The following NFASC variants were observed in gnomAD, a reference collection of about 807,000 sequenced individuals.
The protein encoded by NFASC is neurofascin homolog.
In NFASC, 43 loss-of-function variants were observed where a neutral mutation model predicts 147.5. The ratio of observed to expected loss-of-function variants is 0.29; its 90% CI spans 0.23 to 0.38. The LOEUF (loss-of-function observed/expected upper bound fraction) is 0.38. NFASC is among the 10% of genes least tolerant of loss of function. NFASC has a pLI of 1.00. For missense variants in NFASC, 1,320 were observed against 1,689.0 expected (o/e 0.78, Z 3.83); for synonymous variants, 622 against 665.5 (o/e 0.93, Z 1.01).
chr1:204,839,954 G>A (rs1371131135), intron 1 of NFASC, among the ~76,000 whole-genome samples: 1 of 152,174 alleles, frequency 6.6e-6, no homozygotes, highest in East Asian at 1.9e-4. Context: ...GTCTTGGGGT[G>A]TGCCCTGCCT....
intron 27 of NFASC, among the ~76,000 whole-genome samples, chr1:205,006,953 A>G (rs1318501009): frequency 1.5e-5 from 2 of 130,674 alleles, no homozygotes; most frequent in Admixed American, 1.5e-4. Context: ...TGCTGATGAG[A>G]GTTAAGGAGG....
At chr1:204,897,215 A>C (rs1045548593) in intron 1 of NFASC, among the ~76,000 whole-genome samples, 1 of 152,150 alleles carries the variant, frequency 6.6e-6, no homozygotes, top group African/African-American at 2.4e-5. Flanking sequence ...CTTTCTGAGG[A>C]AGTGACTTTT....
intron 3 of NFASC, chr1:204,948,716 A>G (rs2093940076): frequency 5.8e-6 from 3 of 518,906 alleles, no homozygotes; most frequent in Admixed American, 3.9e-5. Flanking sequence ...TCCCTGGACA[A>G]TGTCTAGGGC....
chr1:204,834,859 C>T (rs1005975594), intron 1 of NFASC, among the ~76,000 whole-genome samples: 3 of 152,094 alleles, frequency 2.0e-5, no homozygotes, highest in Non-Finnish European at 2.9e-5. Context: ...TAGTGGTCCT[C>T]CAAGTGGGTT....
chr1:204,830,006 GGTGTGTGTGTGTGTGTGTGT>G (rs58294218), intron 1 of NFASC, among the ~76,000 whole-genome samples: 2 of 144,010 alleles, frequency 1.4e-5, no homozygotes, highest in Non-Finnish European at 3.0e-5. Flanking sequence ...TTTGGCATGG[GGTGTGTGTGTGTGTGTGTGT>G]GTGTGTGTGT....
chr1:204,879,708 A>C (rs2079757547), intron 1 of NFASC, among the ~76,000 whole-genome samples: 1 of 152,226 alleles, frequency 6.6e-6, no homozygotes, highest in Non-Finnish European at 1.5e-5. Flanking sequence ...GGAAGGAGTG[A>C]AGACTGGAAC....
At position 204,950,492 on chromosome 1, in the gene NFASC, C is replaced by A. The variant is rs954688168; in HGVS notation, c.92-65C>A. 1.1e-5 allele frequency: 17 copies of A among 1,484,754 alleles called. No individual in the cohort carries two copies. The South Asian group carries it at 2.0e-4, about 18-fold the overall frequency. The allele number at this position is 1,484,754 out of a possible 1,614,324, so 92.0% of individuals were successfully genotyped here. Reference sequence around the variant, plus strand: ...GTGCTGGGGCGTGAGGATGCCTGGGCGGTTGTGTGCATAACGATGTTCTTC... The same window carrying A: ...GTGCTGGGGCGTGAGGATGCCTGGGAGGTTGTGTGCATAACGATGTTCTTC... On this transcript the variant is annotated intron_variant, in intron 3 of 29. Coordinates refer to ENST00000339876, the MANE Select transcript of NFASC (RefSeq NM_001005388.3).
chr1:204,857,474 C>T (rs1188322740), intron 1 of NFASC, among the ~76,000 whole-genome samples: 1 of 142,730 alleles, frequency 7.0e-6, no homozygotes, highest in African/African-American at 2.8e-5. Context: ...CCCCTGCCTG[C>T]CTAGCAACAG....
At chr1:204,993,236 G>A (rs1019041282) in intron 24 of NFASC, among the ~76,000 whole-genome samples, 1 of 152,158 alleles carries the variant, frequency 6.6e-6, no homozygotes, top group African/African-American at 2.4e-5. Context: ...TCATCCACCT[G>A]TATCTGTAGT....
rs140316803 is a variant in NFASC, at chr1:204,852,993, A to G, written c.-200+24211A>G. On this transcript the variant is annotated intron_variant, in intron 1 of 29. Transcript: ENST00000339876. ...GGGCCTTGCCTAGCCCACAGCATCTACTGCCTTGTCAATAGACAGTGTTCC... is the reference window on the plus strand; with the variant it reads ...GGGCCTTGCCTAGCCCACAGCATCTGCTGCCTTGTCAATAGACAGTGTTCC... Among the ~76,000 whole-genome samples, 706 of 152,282 alleles carry G rather than the reference A, an allele frequency of 4.6e-3. 5 individuals are homozygous for G. The highest frequency in any genetic ancestry group is 0.016 in the African/African-American group (656 of 41,544).
At chr1:204,933,258 G>A (rs925450427) in intron 2 of NFASC, among the ~76,000 whole-genome samples, 16 of 152,216 alleles carry the variant, frequency 1.1e-4, no homozygotes, top group African/African-American at 3.9e-4. Flanking sequence ...TTGCCGTAGT[G>A]TATGAGACAT....
At chr1:204,952,780 A>G (rs895372265) in intron 5 of NFASC, among the ~76,000 whole-genome samples, 2 of 152,232 alleles carry the variant, frequency 1.3e-5, no homozygotes, top group African/African-American at 4.8e-5. Flanking sequence ...TCAAAGTAGC[A>G]TCTACAGACT....
chr1:204,953,012 G>T (rs1206068369), intron 5 of NFASC, among the ~76,000 whole-genome samples: 1 of 152,258 alleles, frequency 6.6e-6, no homozygotes, highest in Non-Finnish European at 1.5e-5. Context: ...ACCCTGAAGG[G>T]TTAGTCAGGG....
At chr1:204,850,646 CTG>C (rs1263193950) in intron 1 of NFASC, among the ~76,000 whole-genome samples, 5 of 152,248 alleles carry the variant, frequency 3.3e-5, no homozygotes, top group African/African-American at 1.2e-4. Flanking sequence ...TTTGTGCGCT[CTG>C]TCTCCTGCTC....
In NFASC at chr1:205,009,670, C is replaced by A. The variant is rs1311571428; in HGVS notation, c.3403C>A (p.Arg1135Ser). The A allele has an allele frequency of 8.7e-6, 14 of 1,613,876 alleles. No homozygotes were observed. Among genetic ancestry groups the A allele is most frequent in the African/African-American group, 1.3e-5 (1 of 74,896 alleles). Reference protein sequence around the residue: ...LLIVCFIKRSRGGKYPVREKK... With the variant: ...LLIVCFIKRSSGGKYPVREKK... ...CATCGTCTGTTTCATCAAGAGGAGT[C>A]GCGGCGGCAAGTACCCAGGTGAGAT... Residue 1135 changes from arginine to serine, a missense_variant, in exon 28 of 30, where the codon CGC (arginine) becomes AGC (serine). Transcript: ENST00000339876.
intron 21 of NFASC, 127 bp downstream of exon 21, chr1:204,982,147 TC>T: frequency 1.7e-6 from 1 of 579,722 alleles, no homozygotes; most frequent in Non-Finnish European, 3.0e-6. Flanking sequence ...GGAAAAATGT[TC>T]TGTAGTGACC....
intron 28 of NFASC, 115 bp downstream of exon 28, chr1:205,009,803 C>A: frequency 8.8e-7 from 1 of 1,136,084 alleles, no homozygotes; most frequent in Non-Finnish European, 1.3e-6. Context: ...CCAGCCCTTG[C>A]CCGGATTGGA....
At chr1:204,845,874 G>A (rs1031086029) in intron 1 of NFASC, among the ~76,000 whole-genome samples, 6 of 151,886 alleles carry the variant, frequency 4.0e-5, no homozygotes, top group South Asian at 2.1e-4. Context: ...TGCACACCGC[G>A]TGTGTGGTAG....
chr1:204,978,914 C>A, intron 17 of NFASC, 54 bp from the exon 18 acceptor site: 2 of 1,391,800 alleles, frequency 1.4e-6, no homozygotes, highest in South Asian at 1.3e-5. Context: ...AGGGCCATCA[C>A]AAGGGTGGAC....
Sources: gnomAD v4.1 joint callset for allele counts (sites outside exome capture counted in the v4.1 genomes callset) on GRCh38, gnomAD v4.1.1 for gene constraint, MANE v1.5 for transcripts, NCBI Gene and HGNC (gene_info 2026-07-23, HGNC 2026-07-21) for gene names.